The following RAB39A variants were observed in gnomAD, a reference collection of about 807,000 sequenced individuals.
RAB39A encodes ras-related protein Rab-39A.
A neutral mutation model predicts 20.9 loss-of-function variants in RAB39A; 17 were observed. That is an observed-to-expected ratio of 0.81 (90% CI 0.56 to 1.22). The LOEUF (loss-of-function observed/expected upper bound fraction) is 1.22, where lower values mean the gene tolerates loss of function less well. Among genes scored for constraint, RAB39A ranks in the 50% most tolerant of loss-of-function variants. The pLI is 0.00. For synonymous variants in RAB39A, 99 were observed against 103.4 expected (o/e 0.96, Z 0.26); for missense variants, 234 against 270.5 (o/e 0.87, Z 0.95).
chr11:107,951,168 T>G (rs971001191), intron 1 of RAB39A, among the ~76,000 whole-genome samples: 3 of 152,206 alleles, frequency 2.0e-5, no homozygotes, highest in Non-Finnish European at 4.4e-5. Flanking sequence ...GTGCCAAGTT[T>G]CAGGATCTTA....
chr11:107,942,061 T>C (rs1348206442), intron 1 of RAB39A, among the ~76,000 whole-genome samples: 1 of 123,532 alleles, frequency 8.1e-6, no homozygotes, highest in Admixed American at 1.1e-4. Context: ...ATCGTACCAC[T>C]GCTCTGCAGC....
At chr11:107,937,960 A>AT (rs1861212909) in intron 1 of RAB39A, among the ~76,000 whole-genome samples, 1 of 152,186 alleles carries the variant, frequency 6.6e-6, no homozygotes, top group Non-Finnish European at 1.5e-5. Context: ...GATAATGTAA[A>AT]TGTATCTGTA....
intron 1 of RAB39A, among the ~76,000 whole-genome samples, chr11:107,933,377 C>CTTTT (rs71047649): frequency 4.1e-5 from 3 of 73,062 alleles, no homozygotes; most frequent in African/African-American, 6.3e-5. Flanking sequence ...TTTATTCTTT[C>CTTTT]TTTTTTTTTT....
At chr11:107,935,470 G>A (rs569809902) in intron 1 of RAB39A, among the ~76,000 whole-genome samples, 1 of 151,550 alleles carries the variant, frequency 6.6e-6, no homozygotes, top group South Asian at 2.1e-4. Flanking sequence ...CACCTCCCGG[G>A]TTCACACCAT....
At chr11:107,951,432 A>G (rs552009404) in intron 1 of RAB39A, among the ~76,000 whole-genome samples, 42 of 152,238 alleles carry the variant, frequency 2.8e-4, no homozygotes, top group African/African-American at 9.6e-4. Context: ...TGTCCTCTAA[A>G]TGCCTATTTT....
chr11:107,954,162 C>T (rs938772384), intron 1 of RAB39A, among the ~76,000 whole-genome samples: 7 of 152,140 alleles, frequency 4.6e-5, no homozygotes, highest in African/African-American at 1.7e-4. Flanking sequence ...TTCAGGATGT[C>T]GGTAGCTACT....
rs1861514442 is a variant in RAB39A, at chr11:107,962,946, T to A, written c.*574T>A. On this transcript the variant is annotated 3_prime_UTR_variant, in exon 2 of 2. Transcript: ENST00000320578. The stretch of plus-strand genomic sequence containing the variant: ...AAGTTTTATGTCCATTTTTGTTCCC[T>A]AATTTATTGCTTCTAAAAATGCATT... 1 of 152,256 alleles carries A rather than the reference T, an allele frequency of 6.6e-6. No homozygotes were observed. The highest frequency in any genetic ancestry group is 1.9e-4 in the East Asian group (1 of 5,204). The allele number at this position is 152,256 out of a possible 1,614,324, so 9.4% of individuals were successfully genotyped here.
chr11:107,945,807 T>C (rs1861301721), intron 1 of RAB39A, among the ~76,000 whole-genome samples: 1 of 152,130 alleles, frequency 6.6e-6, no homozygotes, highest in South Asian at 2.1e-4. Flanking sequence ...TTGAAAAGAA[T>C]CAAAAATAGG....
chr11:107,961,847 T>C, intron 1 of RAB39A, 99 bp from the exon 2 acceptor site: 1 of 941,646 alleles, frequency 1.1e-6, no homozygotes, highest in East Asian at 2.6e-5. Context: ...TTAAATCATA[T>C]TAAGATATCT....
chr11:107,948,685 C>T (rs1861343908), intron 1 of RAB39A, among the ~76,000 whole-genome samples: 1 of 152,094 alleles, frequency 6.6e-6, no homozygotes, highest in African/African-American at 2.4e-5. Context: ...CGTGATCCGC[C>T]TTCCTCAGCC....
chr11:107,962,702 A>G lies in RAB39A; in HGVS notation c.*330A>G. 1 of 198,946 alleles carries G rather than the reference A, an allele frequency of 5.0e-6. No individual in the cohort carries two copies. Among genetic ancestry groups the G allele is most frequent in the Non-Finnish European group, 1.0e-5 (1 of 97,288 alleles). The allele number at this position is 198,946 out of a possible 1,614,324, so 12.3% of individuals were successfully genotyped here. On this transcript the variant is annotated 3_prime_UTR_variant, in exon 2 of 2. Transcript: ENST00000320578. Reference sequence around the variant, plus strand: ...TTCAAATGGATTTTTGTGCATATATAGTCAATTGAAAAGATTTTATCAGGA... The same window carrying G: ...TTCAAATGGATTTTTGTGCATATATGGTCAATTGAAAAGATTTTATCAGGA...
At position 107,940,462 on chromosome 11, in the gene RAB39A, C is replaced by T. The variant is rs769536038; in HGVS notation, c.227+11667C>T. On this transcript the variant is annotated intron_variant, in intron 1 of 1. Transcript: ENST00000320578. ...TATTTTTAATAGAGAAGGGGTTTCA[C>T]TATGTTGGCCCGGCTGGTCTTAAAC... 2.0e-5 allele frequency among the ~76,000 whole-genome samples: 3 copies of T among 151,964 alleles called. No homozygotes were observed. In the South Asian group the frequency reaches 6.2e-4, roughly 31 times the overall value.
intron 1 of RAB39A, among the ~76,000 whole-genome samples, chr11:107,944,316 C>T (rs74721712): frequency 0.021 from 3,177 of 152,092 alleles, 128 homozygotes; most frequent in African/African-American, 0.073. Context: ...AGTGTCATGG[C>T]CACAACTAGC....
chr11:107,943,234 A>G (rs1443420969), intron 1 of RAB39A, among the ~76,000 whole-genome samples: 4 of 152,096 alleles, frequency 2.6e-5, no homozygotes. Context: ...TAGCTTTCCA[A>G]TCCTTAAATG....
At chr11:107,948,019 G>A (rs1315074602) in intron 1 of RAB39A, among the ~76,000 whole-genome samples, 5 of 151,628 alleles carry the variant, frequency 3.3e-5, no homozygotes, top group Non-Finnish European at 5.9e-5. Flanking sequence ...AACCAGGGGT[G>A]AAGAGGACAT....
intron 1 of RAB39A, among the ~76,000 whole-genome samples, chr11:107,931,005 T>C (rs1861130573): frequency 6.6e-6 from 1 of 151,304 alleles, no homozygotes; most frequent in Non-Finnish European, 1.5e-5. Flanking sequence ...AGACGGAGTT[T>C]CGCTCTTGTG....
At chr11:107,951,352 A>AG (rs1264149288) in intron 1 of RAB39A, among the ~76,000 whole-genome samples, 1 of 152,160 alleles carries the variant, frequency 6.6e-6, no homozygotes, top group African/African-American at 2.4e-5. Context: ...ATGCTGAAAA[A>AG]CAGGCACCCA....
intron 1 of RAB39A, among the ~76,000 whole-genome samples, chr11:107,931,248 A>G (rs1291218608): frequency 6.6e-6 from 1 of 152,202 alleles, no homozygotes; most frequent in Non-Finnish European, 1.5e-5. Flanking sequence ...AAGTGCTGAG[A>G]TTACAGGCGC....
In RAB39A at chr11:107,928,912, G is replaced by T; in HGVS notation, c.227+117G>T. ...GGAGAGGCTCTGGCCCTTCCCTCTCGAAAGTGCAAACACTCCATTCTCGCT... is the reference window on the plus strand; with the variant it reads ...GGAGAGGCTCTGGCCCTTCCCTCTCTAAAGTGCAAACACTCCATTCTCGCT... On this transcript the variant is annotated intron_variant, in intron 1 of 1. Coordinates refer to ENST00000320578, the MANE Select transcript of RAB39A (RefSeq NM_017516.3). This position sits in a 1 kb window ranked among gnomAD's most constrained non-coding sequence, Gnocchi z 4.9. 5.3e-6 allele frequency: 4 copies of T among 755,304 alleles called. No homozygotes were observed. Among genetic ancestry groups the T allele is most frequent in the Non-Finnish European group, 8.1e-6 (4 of 494,490 alleles). The allele number at this position is 755,304 out of a possible 1,614,324, so 46.8% of individuals were successfully genotyped here.
Sources: gnomAD v4.1 joint callset for allele counts (sites outside exome capture counted in the v4.1 genomes callset) on GRCh38, gnomAD v4.1.1 for gene constraint, Gnocchi (gnomAD v3.1) non-coding constraint, MANE v1.5 for transcripts, NCBI Gene and HGNC (gene_info 2026-07-23, HGNC 2026-07-21) for gene names.